Variants in VMP1 observed in about 807,000 individuals in gnomAD.
VMP1 encodes vacuole membrane protein 1.
Under a neutral mutation model 56.0 loss-of-function variants are expected in VMP1, and 11 were observed. The observed-to-expected ratio is 0.20, with a 90% confidence interval of 0.12 to 0.32. VMP1 has a LOEUF of 0.32. Ranked by LOEUF, VMP1 falls within the 10% of genes least tolerant of loss-of-function variation. The probability of loss-of-function intolerance (pLI) is 1.00; values close to 1 mark genes in which losing one functional copy is unlikely to be tolerated. For missense variants in VMP1, 296 were observed against 490.3 expected, an observed-to-expected ratio of 0.60 and a Z score of 3.74; for synonymous variants, 149 against 165.0, an observed-to-expected ratio of 0.90 and a Z score of 0.74.
chr17:59,763,581 A>G (rs960452150), intron 5 of VMP1, among the ~76,000 whole-genome samples: 3 of 152,136 alleles, frequency 2.0e-5, no homozygotes, highest in African/African-American at 7.2e-5. Context: ...CTATTTAGAG[A>G]TAAATATCAC....
At position 59,838,301 on chromosome 17, in the gene VMP1, C is replaced by G. The variant is rs371609859; in HGVS notation, c.981C>G (p.Val327=). ...VEQMVAFIGA[V]PGIGPSLQKP... ...TACTGTACCCTGCTTCCAGTGCTGT[C>G]CCCGGCATAGGTCCATCTCTGCAGA... The change falls in exon 11 of 12, where the codon GTC becomes GTG. Residue 327 remains valine, a synonymous_variant. Transcript: ENST00000262291. The G allele has an allele frequency of 2.5e-6, 4 of 1,613,712 alleles. No homozygotes were observed. The highest frequency in any genetic ancestry group is 2.2e-5 in the South Asian group (2 of 91,060).
At chr17:59,714,303 C>T (rs539153677) in intron 1 of VMP1, among the ~76,000 whole-genome samples, 1 of 152,128 alleles carries the variant, frequency 6.6e-6, no homozygotes, top group South Asian at 2.1e-4. Flanking sequence ...ATAAAGCAAC[C>T]AGTCCTACCC....
At chr17:59,719,837 CAAAT>C (rs757131793) in intron 1 of VMP1, among the ~76,000 whole-genome samples, 3 of 151,964 alleles carry the variant, frequency 2.0e-5, no homozygotes, top group Non-Finnish European at 2.9e-5. Context: ...CTGCAGGAAA[CAAAT>C]AAAAAAAACC....
At chr17:59,749,514 CTT>C (rs1007707784) in intron 5 of VMP1, among the ~76,000 whole-genome samples, 8 of 142,850 alleles carry the variant, frequency 5.6e-5, no homozygotes, top group Admixed American at 7.1e-5. Context: ...TTTAAATAAT[CTT>C]TTTTTTTTTT....
chr17:59,753,671 T>C (rs1233242346), intron 5 of VMP1, among the ~76,000 whole-genome samples: 1 of 152,178 alleles, frequency 6.6e-6, no homozygotes, highest in East Asian at 1.9e-4. Flanking sequence ...CAAAGCCCCA[T>C]ATCCCTTTCA....
At chr17:59,729,462 G>A (rs1247479251) in intron 1 of VMP1, among the ~76,000 whole-genome samples, 4 of 135,660 alleles carry the variant, frequency 2.9e-5, no homozygotes, top group Admixed American at 1.6e-4. Flanking sequence ...CAGCCTGAGC[G>A]ACAGAGACTC....
At chr17:59,744,462 CAAAAAAAAAA>C (rs60407542) in intron 5 of VMP1, among the ~76,000 whole-genome samples, 1 of 53,870 alleles carries the variant, frequency 1.9e-5, no homozygotes, top group African/African-American at 6.6e-5. Context: ...AATTCCATCT[CAAAAAAAAAA>C]AAAAAAAAAA....
chr17:59,770,163 C>T (rs939238948), intron 6 of VMP1, among the ~76,000 whole-genome samples: 1 of 152,144 alleles, frequency 6.6e-6, no homozygotes, highest in African/African-American at 2.4e-5. Context: ...ATGTTACTTC[C>T]TTCTTAACTT....
intron 7 of VMP1, among the ~76,000 whole-genome samples, chr17:59,788,979 T>C (rs2037113077): frequency 6.6e-6 from 1 of 151,846 alleles, no homozygotes; most frequent in Non-Finnish European, 1.5e-5. Context: ...AAACACCTTT[T>C]ATAAAATGCC....
At position 59,785,627 on chromosome 17, in the gene VMP1, T is replaced by A. The variant is rs1170543258; in HGVS notation, c.714+11742T>A. Among the ~76,000 whole-genome samples, 3 of 150,636 alleles carry A rather than the reference T, an allele frequency of 2.0e-5. No homozygotes were observed. The East Asian group carries it at 5.8e-4, about 29-fold the overall frequency. ...ATCGCTTGAACCCGAGAGGCAGAGG[T>A]TGCAGTGAGCTGAGATCACACCACT... On this transcript the variant is annotated intron_variant, in intron 7 of 11. Coordinates refer to ENST00000262291, the MANE Select transcript of VMP1 (RefSeq NM_030938.5).
At chr17:59,751,725 C>T (rs941269418) in intron 5 of VMP1, among the ~76,000 whole-genome samples, 2 of 69,952 alleles carry the variant, frequency 2.9e-5, no homozygotes, top group African/African-American at 1.1e-4. Flanking sequence ...GCCTGGGCAA[C>T]AAGAGCAAAA....
intron 5 of VMP1, among the ~76,000 whole-genome samples, chr17:59,755,410 A>G (rs1321070708): frequency 6.6e-6 from 1 of 152,092 alleles, no homozygotes; most frequent in Non-Finnish European, 1.5e-5. Flanking sequence ...ACACCTGGCC[A>G]AACATGCCTT....
intron 7 of VMP1, among the ~76,000 whole-genome samples, chr17:59,775,494 T>A (rs1403087235): frequency 6.6e-6 from 1 of 152,088 alleles, no homozygotes; most frequent in African/African-American, 2.4e-5. Context: ...CAGCTAATTT[T>A]TATTTGTTGT....
intron 1 of VMP1, among the ~76,000 whole-genome samples, chr17:59,731,106 T>TCTA (rs1346499353): frequency 6.6e-6 from 1 of 152,210 alleles, no homozygotes; most frequent in East Asian, 1.9e-4. Flanking sequence ...GAGTTACTAG[T>TCTA]GCTTGATATC....
chr17:59,743,715 A>G (rs1223032562), intron 5 of VMP1, among the ~76,000 whole-genome samples: 1 of 151,790 alleles, frequency 6.6e-6, no homozygotes, highest in East Asian at 1.9e-4. Flanking sequence ...ATATATAGAA[A>G]AAACTTGGCT....
chr17:59,798,487 T>C (rs1215785881), intron 7 of VMP1, among the ~76,000 whole-genome samples: 1 of 152,238 alleles, frequency 6.6e-6, no homozygotes, highest in Non-Finnish European at 1.5e-5. Context: ...TACATTGTAC[T>C]TAGCAACCCA....
intron 2 of VMP1, among the ~76,000 whole-genome samples, chr17:59,732,894 G>A (rs1163117619): frequency 2.0e-5 from 3 of 152,176 alleles, no homozygotes; most frequent in Admixed American, 6.5e-5. Context: ...TAGGCTGGGC[G>A]TGGTGATTCA....
At chr17:59,758,468 C>G (rs1003393925) in intron 5 of VMP1, among the ~76,000 whole-genome samples, 6 of 152,078 alleles carry the variant, frequency 3.9e-5, no homozygotes, top group African/African-American at 1.4e-4. Context: ...AGGAGGATCC[C>G]TTGAACTGAG....
chr17:59,759,846 G>T, intron 5 of VMP1, among the ~76,000 whole-genome samples: 1 of 145,818 alleles, frequency 6.9e-6, no homozygotes, highest in Non-Finnish European at 1.5e-5. Context: ...TTTTTTCTCT[G>T]CCTTCTTTTG....
Sources: allele counts gnomAD v4.1 joint callset (sites outside exome capture counted in the v4.1 genomes callset), GRCh38; gene constraint gnomAD v4.1.1; transcripts MANE v1.5; gene names NCBI Gene and HGNC (gene_info 2026-07-23, HGNC 2026-07-21).